DCLK2: variants seen among roughly 807,000 people sequenced by gnomAD.
DCLK2 encodes the protein serine/threonine-protein kinase DCLK2.
DCLK2 carries 31 observed loss-of-function variants against 78.4 expected under a neutral mutation model. The ratio of observed to expected loss-of-function variants is 0.40; its 90% confidence interval spans 0.30 to 0.53. The LOEUF is 0.53. Ranked by LOEUF, DCLK2 falls within the 20% of genes least tolerant of loss-of-function variation. The probability of loss-of-function intolerance (pLI) is 0.61; values close to 1 mark genes in which losing one functional copy is unlikely to be tolerated. For synonymous variants in DCLK2, 407 were observed against 374.9 expected, an observed-to-expected ratio of 1.09 and a Z score of -0.99; for missense variants, 872 against 973.7, an observed-to-expected ratio of 0.90 and a Z score of 1.39.
At position 150,238,386 on chromosome 4, in the gene DCLK2, A is replaced by G. The variant is rs1331402103; in HGVS notation, c.1567-1356A>G. ...AAAGTCATAGATAAATTCTGAGATT[A>G]GCGTCCTTATATATAACGTTTGGGT... On this transcript the variant is annotated intron_variant, in intron 10 of 15. Transcript: ENST00000296550. Among the ~76,000 whole-genome samples, 6 of 152,194 alleles carry G rather than the reference A, an allele frequency of 3.9e-5. No homozygotes were observed. In the East Asian group the frequency reaches 1.2e-3, roughly 29 times the overall value.
chr4:150,175,092 A>ATAATTTATGTATAT (rs1560835033), intron 2 of DCLK2, among the ~76,000 whole-genome samples: 11 of 57,620 alleles, frequency 1.9e-4, no homozygotes, highest in African/African-American at 8.8e-4. Context: ...TTATATATAT[A>ATAATTTATGTATAT]TTTATATATA....
intron 7 of DCLK2, among the ~76,000 whole-genome samples, chr4:150,222,593 C>G (rs1238519459): frequency 6.6e-6 from 1 of 152,102 alleles, no homozygotes; most frequent in Middle Eastern, 3.2e-3. Context: ...CACCTGTAAT[C>G]CCAGCACTTT....
intron 2 of DCLK2, among the ~76,000 whole-genome samples, chr4:150,159,505 G>A (rs1320345156): frequency 1.3e-5 from 2 of 152,182 alleles, no homozygotes; most frequent in Non-Finnish European, 2.9e-5. Flanking sequence ...TTAAATGTAC[G>A]TGCTTACAGC....
chr4:150,104,182 T>A, intron 2 of DCLK2, among the ~76,000 whole-genome samples: 1 of 151,540 alleles, frequency 6.6e-6, no homozygotes, highest in Non-Finnish European at 1.5e-5. Flanking sequence ...GAGCTCAAGT[T>A]TGGAAATCCC....
chr4:150,221,006 G>T (rs1741146816), intron 6 of DCLK2, among the ~76,000 whole-genome samples: 1 of 152,126 alleles, frequency 6.6e-6, no homozygotes, highest in East Asian at 1.9e-4. Context: ...TTTTAGACTT[G>T]GGCTTCTTTT....
At chr4:150,244,232 A>G (rs991670134) in intron 12 of DCLK2, among the ~76,000 whole-genome samples, 1 of 152,102 alleles carries the variant, frequency 6.6e-6, no homozygotes, top group Non-Finnish European at 1.5e-5. Flanking sequence ...ACTGTGCCTG[A>G]GCCATTTCCC....
At chr4:150,147,313 C>A (rs987253262) in intron 2 of DCLK2, among the ~76,000 whole-genome samples, 2 of 151,774 alleles carry the variant, frequency 1.3e-5, no homozygotes, top group African/African-American at 2.4e-5. Context: ...AATAAGAAAA[C>A]AAGAATAAAT....
chr4:150,081,380 A>G lies in DCLK2; in HGVS notation c.421+1932A>G, dbSNP rs536391021. ...GTCTACTTCTGCAACTGTAGTTTCAACTACAAATTGACTTAACAAATTTCC... is the reference window on the plus strand; with the variant it reads ...GTCTACTTCTGCAACTGTAGTTTCAGCTACAAATTGACTTAACAAATTTCC... On this transcript the variant is annotated intron_variant, in intron 1 of 15. Transcript: ENST00000296550. 2.0e-5 allele frequency among the ~76,000 whole-genome samples: 3 copies of G among 152,358 alleles called. No individual in the cohort carries two copies. The South Asian group carries it at 6.2e-4, about 32-fold the overall frequency.
intron 2 of DCLK2, among the ~76,000 whole-genome samples, chr4:150,182,562 C>T (rs1485278271): frequency 4.6e-5 from 7 of 152,208 alleles, no homozygotes; most frequent in South Asian, 4.2e-4. Context: ...CTTAGGTCAT[C>T]GTTTATTGCA....
intron 4 of DCLK2, among the ~76,000 whole-genome samples, chr4:150,201,759 G>A (rs1241469569): frequency 6.6e-6 from 1 of 151,990 alleles, no homozygotes; most frequent in East Asian, 1.9e-4. Flanking sequence ...TACTGATTAG[G>A]AGCAGGTGAT....
chr4:150,092,332 C>T (rs1275435924), intron 1 of DCLK2, among the ~76,000 whole-genome samples: 1 of 152,112 alleles, frequency 6.6e-6, no homozygotes, highest in East Asian at 1.9e-4. Flanking sequence ...CCCCAAAGTA[C>T]AATTGCTAGA....
chr4:150,218,548 G>A (rs540195892), intron 5 of DCLK2, among the ~76,000 whole-genome samples: 47 of 152,286 alleles, frequency 3.1e-4, no homozygotes, highest in Non-Finnish European at 5.4e-4. Context: ...CAGGACAGAT[G>A]AACAAGCAGG....
intron 12 of DCLK2, among the ~76,000 whole-genome samples, chr4:150,244,225 G>A (rs1264046631): frequency 6.6e-6 from 1 of 152,140 alleles, no homozygotes; most frequent in East Asian, 1.9e-4. Flanking sequence ...GTGAGCCACT[G>A]TGCCTGAGCC....
intron 12 of DCLK2, among the ~76,000 whole-genome samples, chr4:150,241,912 A>T (rs1742956489): frequency 6.6e-6 from 1 of 152,218 alleles, no homozygotes; most frequent in Admixed American, 6.5e-5. Flanking sequence ...TACTACCATC[A>T]CATTGGGCAT....
At chr4:150,086,633 A>T (rs1729668665) in intron 1 of DCLK2, among the ~76,000 whole-genome samples, 1 of 151,792 alleles carries the variant, frequency 6.6e-6, no homozygotes, top group South Asian at 2.1e-4. Flanking sequence ...CAGCCTACCG[A>T]GTAGCTGGGA....
At chr4:150,103,723 A>G (rs1222528483) in intron 2 of DCLK2, among the ~76,000 whole-genome samples, 1 of 152,224 alleles carries the variant, frequency 6.6e-6, no homozygotes, top group Admixed American at 6.5e-5. Flanking sequence ...GAAAAACACA[A>G]TCAAATTAGT....
chr4:150,126,872 A>G (rs1435485458), intron 2 of DCLK2, among the ~76,000 whole-genome samples: 1 of 152,186 alleles, frequency 6.6e-6, no homozygotes, highest in Non-Finnish European at 1.5e-5. Flanking sequence ...ACATGGATTT[A>G]CTTGTCATAT....
At chr4:150,172,769 G>T (rs1218583958) in intron 2 of DCLK2, among the ~76,000 whole-genome samples, 15 of 145,676 alleles carry the variant, frequency 1.0e-4, no homozygotes, top group African/African-American at 2.3e-4. Flanking sequence ...TTGGGGGGGG[G>T]GGGGATACCT....
chr4:150,121,459 G>T (rs1267361771), intron 2 of DCLK2, among the ~76,000 whole-genome samples: 10 of 152,190 alleles, frequency 6.6e-5, no homozygotes, highest in Non-Finnish European at 1.0e-4. Context: ...TTTATCAAGA[G>T]ACTACAGCAA....
Sources: allele counts gnomAD v4.1 joint callset (sites outside exome capture counted in the v4.1 genomes callset), GRCh38; gene constraint gnomAD v4.1.1; transcripts MANE v1.5; gene names NCBI Gene and HGNC (gene_info 2026-07-23, HGNC 2026-07-21).